SDHB: variants seen among roughly 807,000 people sequenced by gnomAD.
SDHB encodes the protein succinate dehydrogenase complex iron sulfur subunit B.
In SDHB, 21 loss-of-function variants were observed where a neutral mutation model predicts 39.7. The ratio of observed to expected loss-of-function variants is 0.53; its 90% CI spans 0.37 to 0.76. The LOEUF is 0.76. SDHB is among the 30% of genes least tolerant of loss of function. SDHB has a pLI of 0.00. For missense variants in SDHB, 343 were observed against 350.9 expected (o/e 0.98, Z 0.18); for synonymous variants, 118 against 117.0 (o/e 1.01, Z -0.06).
At chr1:17,031,271 C>T (rs1374247600) in intron 3 of SDHB, among the ~76,000 whole-genome samples, 1 of 151,780 alleles carries the variant, frequency 6.6e-6, no homozygotes, top group East Asian at 1.9e-4. Context: ...TTTGCTTTTA[C>T]AAGAAATGGC....
intron 7 of SDHB, among the ~76,000 whole-genome samples, chr1:17,020,367 C>T (rs1291562868): frequency 6.6e-6 from 1 of 152,210 alleles, no homozygotes; most frequent in African/African-American, 2.4e-5. Context: ...GCTCAATTTC[C>T]CCATCTGTAT....
intron 2 of SDHB, among the ~76,000 whole-genome samples, chr1:17,041,124 C>G (rs1056883566): frequency 1.3e-5 from 2 of 151,864 alleles, no homozygotes; most frequent in Admixed American, 1.3e-4. Flanking sequence ...AGCAAGACTC[C>G]GTCTCAAGAA....
intron 7 of SDHB, among the ~76,000 whole-genome samples, chr1:17,021,386 G>T (rs1415910611): frequency 2.0e-5 from 3 of 152,010 alleles, no homozygotes; most frequent in Non-Finnish European, 4.4e-5. Context: ...AGGCTGCAGT[G>T]AGCTATGATT....
chr1:17,038,168 C>T (rs562811479), intron 2 of SDHB, among the ~76,000 whole-genome samples: 187 of 152,294 alleles, frequency 1.2e-3, no homozygotes, highest in African/African-American at 4.4e-3. Context: ...CTGCTTCAGC[C>T]TTCCAAAATG....
chr1:17,042,041 C>T (rs763264017), intron 2 of SDHB, among the ~76,000 whole-genome samples: 4 of 152,088 alleles, frequency 2.6e-5, no homozygotes, highest in Non-Finnish European at 5.9e-5. Flanking sequence ...CCCCCATTAG[C>T]CTCCCAAGTG....
intron 2 of SDHB, among the ~76,000 whole-genome samples, chr1:17,041,785 C>A (rs188977051): frequency 4.6e-5 from 7 of 152,172 alleles, no homozygotes; most frequent in African/African-American, 1.4e-4. Flanking sequence ...TATGGCTGCA[C>A]GCAAGATGTG....
At chr1:17,020,206 G>A (rs1455581475) in intron 7 of SDHB, among the ~76,000 whole-genome samples, 1 of 152,144 alleles carries the variant, frequency 6.6e-6, no homozygotes, top group Non-Finnish European at 1.5e-5. Flanking sequence ...CACAGGGTCA[G>A]TAAGGGTGTT....
intron 1 of SDHB, among the ~76,000 whole-genome samples, chr1:17,047,765 T>C (rs2101545012): frequency 6.6e-6 from 1 of 151,866 alleles, no homozygotes; most frequent in East Asian, 1.9e-4. Context: ...GCCTCAACCT[T>C]CTGGACTCAA....
chr1:17,022,592 C>G lies in SDHB; in HGVS notation c.765+16G>C, dbSNP rs1233279059. 1 of 1,613,438 alleles carries G rather than the reference C, an allele frequency of 6.2e-7. No individual in the cohort carries two copies. The highest frequency in any genetic ancestry group is 2.2e-5 in the East Asian group (1 of 44,848). ...TCAGCTCTGAGGCAGAGCTGAGGGT[C>G]ACCAGCCCCACGTACCTTAGGACAG... On this transcript the variant is annotated intron_variant, in intron 7 of 7. Coordinates refer to ENST00000375499, the MANE Select transcript of SDHB (RefSeq NM_003000.3).
chr1:17,021,990 A>T (rs923426260), intron 7 of SDHB, among the ~76,000 whole-genome samples: 2 of 152,218 alleles, frequency 1.3e-5, no homozygotes, highest in African/African-American at 4.8e-5. Context: ...TCTGATGTGC[A>T]GGCATGAGAA....
intron 4 of SDHB, 43 bp downstream of exon 4, chr1:17,028,557 C>A (rs1488657233): frequency 1.2e-6 from 2 of 1,608,294 alleles, no homozygotes; most frequent in East Asian, 2.2e-5. Flanking sequence ...AGCACTGCCC[C>A]CCATGCAAAT....
At chr1:17,022,443 G>C (rs1196433085) in intron 7 of SDHB, among the ~76,000 whole-genome samples, 165 bp downstream of exon 7, 1 of 152,170 alleles carries the variant, frequency 6.6e-6, no homozygotes, top group African/African-American at 2.4e-5. Flanking sequence ...TTGCAACTAA[G>C]AGCCAAACTA....
At chr1:17,031,532 G>A (rs1419442669) in intron 3 of SDHB, among the ~76,000 whole-genome samples, 1 of 152,184 alleles carries the variant, frequency 6.6e-6, no homozygotes, top group Non-Finnish European at 1.5e-5. Flanking sequence ...AGGACTTAAT[G>A]GGGAAGGCTG....
chr1:17,024,034 G>C lies in SDHB; in HGVS notation c.581C>G (p.Thr194Ser), dbSNP rs200535030. The change falls in exon 6 of 8, where the codon ACC becomes AGC. Residue 194 changes from threonine (T) to serine (S), a missense_variant. Transcript: ENST00000375499. ...YECILCACCS[T>S]SCPSYWWNGD... ...GTTCCACCAGTAGCTGGGGCAGCTGGTGCTACAGCAGGCACAGAGAATGCA... is the reference window on the plus strand; with the variant it reads ...GTTCCACCAGTAGCTGGGGCAGCTGCTGCTACAGCAGGCACAGAGAATGCA... 1.2e-6 allele frequency: 2 copies of C among 1,613,866 alleles called. No homozygotes were observed. The highest frequency in any genetic ancestry group is 1.7e-5 in the Admixed American group (1 of 60,004).
rs2077946427 is a variant in SDHB, at chr1:17,018,967, A to C, written c.766-9T>G. On this transcript the variant is annotated splice_polypyrimidine_tract_variant and intron_variant, in intron 7 of 7. Transcript: ENST00000375499. Reference sequence around the variant, plus strand: ...TTCCCTGGATTCAGACCCTTGAAAAAAGAGAAAAGAATCAATAACAAATGA... The same window carrying C: ...TTCCCTGGATTCAGACCCTTGAAAACAGAGAAAAGAATCAATAACAAATGA... 1 of 1,596,860 alleles carries C rather than the reference A, an allele frequency of 6.3e-7. No homozygotes were observed. The highest frequency in any genetic ancestry group is 8.6e-7 in the Non-Finnish European group (1 of 1,165,734).
intron 1 of SDHB, among the ~76,000 whole-genome samples, chr1:17,046,622 T>G (rs1378256692): frequency 6.6e-6 from 1 of 152,336 alleles, no homozygotes; most frequent in East Asian, 1.9e-4. Context: ...CGTAGTCTCA[T>G]GTCTAGCTTC....
chr1:17,033,164 C>T lies in SDHB; in HGVS notation c.201-19G>A. 6.4e-7 allele frequency: 1 copy of T among 1,571,766 alleles called. No individual in the cohort carries two copies. The highest frequency in any genetic ancestry group is 8.8e-7 in the Non-Finnish European group (1 of 1,141,898). ...GCCACATCTAACAAAGAAAAATATC[C>T]AGTGGTATTTATGTAACGTTCAACC... On this transcript the variant is annotated intron_variant, in intron 2 of 7. Transcript: ENST00000375499.
At chr1:17,050,824 T>C (rs959335066) in intron 1 of SDHB, among the ~76,000 whole-genome samples, 2 of 152,234 alleles carry the variant, frequency 1.3e-5, no homozygotes, top group African/African-American at 4.8e-5. Flanking sequence ...AGGATTATGT[T>C]ATCTGTGTTC....
At chr1:17,019,066 G>A (rs572689840) in intron 7 of SDHB, 108 bp from the exon 8 acceptor site, 2 of 856,278 alleles carry the variant, frequency 2.3e-6, no homozygotes, top group East Asian at 2.4e-5. Flanking sequence ...GTCCAAGCAA[G>A]GTGAATGCAA....
Sources: allele counts gnomAD v4.1 joint callset (sites outside exome capture counted in the v4.1 genomes callset), GRCh38; gene constraint gnomAD v4.1.1; transcripts MANE v1.5; gene names NCBI Gene and HGNC (gene_info 2026-07-23, HGNC 2026-07-21).